The following RGS17 variants were observed in gnomAD, a reference collection of about 807,000 sequenced individuals.
The protein encoded by RGS17 is regulator of G-protein signaling 17.
In RGS17, 12 loss-of-function variants were observed where a neutral mutation model predicts 25.5. That is an observed-to-expected ratio of 0.47 (90% CI 0.30 to 0.76). RGS17 has a LOEUF of 0.76. RGS17 is among the 30% of genes least tolerant of loss of function. RGS17 has a pLI of 0.07. For missense variants in RGS17, 196 were observed against 242.2 expected (o/e 0.81, Z 1.27); for synonymous variants, 71 against 76.9 (o/e 0.92, Z 0.40).
intron 1 of RGS17, among the ~76,000 whole-genome samples, chr6:153,101,161 T>C (rs1185766222): frequency 6.6e-6 from 1 of 152,262 alleles, no homozygotes; most frequent in Non-Finnish European, 1.5e-5. Context: ...AATTTGAACC[T>C]AGTGTGTTAG....
chr6:153,050,333 G>C (rs1776445134), intron 1 of RGS17, among the ~76,000 whole-genome samples: 2 of 152,008 alleles, frequency 1.3e-5, no homozygotes, highest in African/African-American at 4.8e-5. Flanking sequence ...AAGAAAAATA[G>C]AGAATCATAC....
intron 1 of RGS17, among the ~76,000 whole-genome samples, chr6:153,056,893 A>G (rs1776569254): frequency 6.8e-6 from 1 of 146,522 alleles, no homozygotes; most frequent in African/African-American, 2.6e-5. Flanking sequence ...TTTTCCTGGA[A>G]TCCTAGTGTT....
At chr6:153,049,807 T>C (rs1426211877) in intron 1 of RGS17, among the ~76,000 whole-genome samples, 3 of 152,056 alleles carry the variant, frequency 2.0e-5, no homozygotes, top group Non-Finnish European at 2.9e-5. Context: ...AAAATTCTAA[T>C]TCAATCATTC....
chr6:153,070,778 TATACATATATACAC>T (rs1171681575), intron 1 of RGS17, among the ~76,000 whole-genome samples: 7 of 151,160 alleles, frequency 4.6e-5, no homozygotes, highest in African/African-American at 1.7e-4. Flanking sequence ...CATATACACA[TATACATATATACAC>T]ATACATATAC....
At chr6:153,034,052 A>G (rs1241267358) in intron 2 of RGS17, among the ~76,000 whole-genome samples, 1 of 152,228 alleles carries the variant, frequency 6.6e-6, no homozygotes, top group Non-Finnish European at 1.5e-5. Flanking sequence ...CTATCATAAA[A>G]AGGAGAGTGA....
intron 1 of RGS17, among the ~76,000 whole-genome samples, chr6:153,072,695 C>T (rs1292869693): frequency 6.6e-6 from 1 of 152,192 alleles, no homozygotes; most frequent in Non-Finnish European, 1.5e-5. Context: ...GAAGTAGAGG[C>T]CTCATGCCCT....
At position 153,084,416 on chromosome 6, in the gene RGS17, G is replaced by T. The variant is rs115242309; in HGVS notation, c.-25-40373C>A. On this transcript the variant is annotated intron_variant, in intron 1 of 4. Transcript: ENST00000206262. ...AGTCAATGGATTTAATTACATGGGG[G>T]TCACTGCAACCAGAGAAGGTCTGGG... Among the ~76,000 whole-genome samples, 1,160 of 152,250 alleles carry T rather than the reference G, an allele frequency of 7.6e-3. 11 individuals are homozygous for T. Among genetic ancestry groups the T allele is most frequent in the African/African-American group, 0.027 (1,105 of 41,530 alleles).
rs974627783 is a variant in RGS17 at position 153,130,161 on chromosome 6, C to A, written c.-26+963G>T. ...GCATTTATTCAGGGAGACAGGGAGG[C>A]AGAGAGAAGAGGAGAAAGCGGCCGT... is the stretch of plus-strand genomic sequence containing the variant. On this transcript the variant is annotated intron_variant, in intron 1 of 4. Transcript: ENST00000206262. This position sits in a 1 kb window ranked among gnomAD's most constrained non-coding sequence, Gnocchi z 6.4. Among the ~76,000 whole-genome samples, 5 of 152,164 alleles carry A rather than the reference C, an allele frequency of 3.3e-5. No individual in the cohort carries two copies. The highest frequency in any genetic ancestry group is 1.2e-4 in the African/African-American group (5 of 41,432).
At chr6:153,109,409 C>T (rs1464959856) in intron 1 of RGS17, among the ~76,000 whole-genome samples, 2 of 152,154 alleles carry the variant, frequency 1.3e-5, no homozygotes, top group Non-Finnish European at 2.9e-5. Flanking sequence ...ACACAGGCAA[C>T]ATTCACTAGA....
intron 1 of RGS17, among the ~76,000 whole-genome samples, chr6:153,050,875 CCAAATATAATGAT>C (rs1776453012): frequency 6.8e-6 from 1 of 147,902 alleles, no homozygotes; most frequent in African/African-American, 2.7e-5. Flanking sequence ...GGAGATGGGG[CCAAATATAATGAT>C]ATTTGGAGGT....
At chr6:153,046,547 C>A (rs1776386831) in intron 1 of RGS17, among the ~76,000 whole-genome samples, 1 of 151,430 alleles carries the variant, frequency 6.6e-6, no homozygotes, top group Non-Finnish European at 1.5e-5. Flanking sequence ...CAAAAATTGG[C>A]AAATATGAAA....
chr6:153,055,882 G>C (rs1472945033), intron 1 of RGS17, among the ~76,000 whole-genome samples: 1 of 152,114 alleles, frequency 6.6e-6, no homozygotes, highest in Non-Finnish European at 1.5e-5. Context: ...CTTCCCCAGG[G>C]TCAGGTGCAA....
rs538155558 is a variant in RGS17, at chr6:153,044,088, G to C, written c.-25-45C>G. 6 of 915,420 alleles carry C rather than the reference G, an allele frequency of 6.6e-6. 1 individual carries two copies. In the South Asian group the frequency reaches 8.1e-5, roughly 12 times the overall value. 56.7% of individuals were successfully genotyped at this position (915,420 alleles called of 1,614,324 possible). A position where few individuals can be genotyped will look rare whatever the true frequency, so the allele number is the denominator to read the frequency against. ...AAATTGGGTATGAAAAAAGCAATAA[G>C]GATAAGTTGCGTATGCTGAAGGAAG... On this transcript the variant is annotated intron_variant, in intron 1 of 4. Transcript: ENST00000206262.
rs1777674894 is a variant in RGS17, at chr6:153,124,202, T to G, written c.-26+6922A>C. Reference sequence around the variant, plus strand: ...AAAGCTTAGAATGACCAGTACTCACTAGATAAAAGAAAAATAACTTGAAGA... The same window carrying G: ...AAAGCTTAGAATGACCAGTACTCACGAGATAAAAGAAAAATAACTTGAAGA... On this transcript the variant is annotated intron_variant, in intron 1 of 4. Coordinates refer to ENST00000206262, the MANE Select transcript of RGS17 (RefSeq NM_012419.5). Among the ~76,000 whole-genome samples the G allele has an allele frequency of 3.3e-5, 5 of 152,204 alleles. 1 individual carries two copies. In the South Asian group the frequency reaches 8.3e-4, roughly 25 times the overall value.
chr6:153,113,230 T>C (rs1777498149), intron 1 of RGS17, among the ~76,000 whole-genome samples: 1 of 151,710 alleles, frequency 6.6e-6, no homozygotes, highest in Non-Finnish European at 1.5e-5. Context: ...AATGGAAGAA[T>C]ATTTACCAAG....
chr6:153,120,849 T>C (rs934808322), intron 1 of RGS17, among the ~76,000 whole-genome samples: 9 of 45,708 alleles, frequency 2.0e-4, no homozygotes, highest in African/African-American at 7.6e-4. Flanking sequence ...TGGAGACACC[T>C]TTCTTTGTCT....
At chr6:153,110,342 A>G (rs1187936438) in intron 1 of RGS17, among the ~76,000 whole-genome samples, 2 of 151,652 alleles carry the variant, frequency 1.3e-5, no homozygotes, top group African/African-American at 2.4e-5. Context: ...GCTTCTCTCT[A>G]CCAGCACCTC....
At chr6:153,014,797 CA>C (rs34132794) in intron 4 of RGS17, among the ~76,000 whole-genome samples, 18,318 of 97,002 alleles carry the variant, frequency 0.19, 1,063 homozygotes, top group South Asian at 0.28. Context: ...GACTCCGTCT[CA>C]AAAAAAAAAA....
chr6:153,029,670 A>C (rs745499069), intron 2 of RGS17, among the ~76,000 whole-genome samples: 44 of 151,680 alleles, frequency 2.9e-4, no homozygotes, highest in Non-Finnish European at 5.9e-4. Context: ...AGCTCACTGC[A>C]AGCTCCGCCT....
Sources: gnomAD v4.1 joint callset for allele counts (sites outside exome capture counted in the v4.1 genomes callset) on GRCh38, gnomAD v4.1.1 for gene constraint, Gnocchi (gnomAD v3.1) non-coding constraint, MANE v1.5 for transcripts, NCBI Gene and HGNC (gene_info 2026-07-23, HGNC 2026-07-21) for gene names.